Variants in EXOC6B observed in about 807,000 individuals in gnomAD.
EXOC6B encodes SEC15 homolog B.
A neutral mutation model predicts 113.5 loss-of-function variants in EXOC6B; 54 were observed. The observed-to-expected ratio is 0.48, with a 90% CI of 0.38 to 0.60. The LOEUF (loss-of-function observed/expected upper bound fraction) is 0.60. EXOC6B is among the 20% of genes least tolerant of loss of function. The pLI is 0.00. For synonymous variants in EXOC6B, 357 were observed against 339.0 expected (o/e 1.05, Z -0.58); for missense variants, 797 against 977.5 (o/e 0.82, Z 2.46).
intron 20 of EXOC6B, among the ~76,000 whole-genome samples, chr2:72,219,936 T>G (rs1416529156): frequency 6.6e-6 from 1 of 152,208 alleles, no homozygotes; most frequent in Non-Finnish European, 1.5e-5. Context: ...CGGGTCCATG[T>G]ACCATGAAGT....
At chr2:72,561,608 A>T (rs923235370) in intron 7 of EXOC6B, among the ~76,000 whole-genome samples, 1 of 152,146 alleles carries the variant, frequency 6.6e-6, no homozygotes, top group African/African-American at 2.4e-5. Context: ...ATCTAAATTA[A>T]GGGAGAATTT....
chr2:72,777,437 A>C (rs1683773101), intron 1 of EXOC6B, among the ~76,000 whole-genome samples: 1 of 152,012 alleles, frequency 6.6e-6, no homozygotes, highest in Non-Finnish European at 1.5e-5. Flanking sequence ...TGTTGAAAGG[A>C]AAAAAACATT....
intron 20 of EXOC6B, among the ~76,000 whole-genome samples, chr2:72,280,658 G>A (rs1037364461): frequency 6.6e-6 from 1 of 152,070 alleles, no homozygotes; most frequent in Non-Finnish European, 1.5e-5. Flanking sequence ...AGAAAAACCA[G>A]AGACAAACAT....
intron 16 of EXOC6B, among the ~76,000 whole-genome samples, chr2:72,481,784 T>C (rs1415523334): frequency 6.6e-6 from 1 of 152,154 alleles, no homozygotes; most frequent in Non-Finnish European, 1.5e-5. Flanking sequence ...CTATTTCCCT[T>C]TTCTTACATA....
intron 20 of EXOC6B, among the ~76,000 whole-genome samples, chr2:72,314,115 C>G (rs1434559586): frequency 6.6e-6 from 1 of 152,128 alleles, no homozygotes; most frequent in Non-Finnish European, 1.5e-5. Context: ...TATAATTACC[C>G]TAACTTAAGG....
chr2:72,617,334 A>G (rs1213121766), intron 6 of EXOC6B, among the ~76,000 whole-genome samples: 2 of 152,016 alleles, frequency 1.3e-5, no homozygotes, highest in African/African-American at 4.8e-5. Context: ...CAGCTCCACT[A>G]GGTGGTGTCC....
At chr2:72,589,221 T>C (rs547279170) in intron 6 of EXOC6B, among the ~76,000 whole-genome samples, 1 of 152,086 alleles carries the variant, frequency 6.6e-6, no homozygotes, top group South Asian at 2.1e-4. Context: ...ACAATATAAA[T>C]TCAGTGCAAA....
intron 1 of EXOC6B, among the ~76,000 whole-genome samples, chr2:72,775,929 T>C (rs369909781): frequency 2.6e-5 from 4 of 152,168 alleles, no homozygotes; most frequent in Non-Finnish European, 5.9e-5. Context: ...AACTGAATAA[T>C]GTAGGTGAAT....
chr2:72,631,459 TATAGAGAGAGAGAGAGAGAGAG>T (rs1558862546), intron 6 of EXOC6B, among the ~76,000 whole-genome samples: 51 of 6,918 alleles, frequency 7.4e-3, no homozygotes, highest in African/African-American at 0.019. Flanking sequence ...TATATATATA[TATAGAGAGAGAGAGAGAGAGAG>T]AGAGAGAGAG....
chr2:72,443,999 G>T (rs1402560092), intron 18 of EXOC6B, among the ~76,000 whole-genome samples: 1 of 152,098 alleles, frequency 6.6e-6, no homozygotes, highest in Non-Finnish European at 1.5e-5. Flanking sequence ...TAACTCAAGA[G>T]TCCACAGTCC....
intron 8 of EXOC6B, among the ~76,000 whole-genome samples, chr2:72,556,469 G>A (rs764411489): frequency 1.2e-4 from 18 of 152,224 alleles, no homozygotes; most frequent in South Asian, 2.1e-4. Flanking sequence ...AAAAGACTAC[G>A]TTGACATGGT....
chr2:72,335,047 G>C, intron 19 of EXOC6B, 27 bp from the exon 20 acceptor site: 1 of 1,610,008 alleles, frequency 6.2e-7, no homozygotes, highest in South Asian at 1.1e-5. Flanking sequence ...AGGATAAAAA[G>C]CGCCTTTAAC....
chr2:72,712,420 G>T (rs1054217589), intron 6 of EXOC6B, among the ~76,000 whole-genome samples: 1 of 152,128 alleles, frequency 6.6e-6, no homozygotes, highest in Non-Finnish European at 1.5e-5. Context: ...TGAAATCATG[G>T]TGTCAACCAT....
intron 19 of EXOC6B, among the ~76,000 whole-genome samples, chr2:72,358,065 A>G (rs1690076203): frequency 6.6e-6 from 1 of 152,186 alleles, no homozygotes; most frequent in South Asian, 2.1e-4. Flanking sequence ...TATACCGCAT[A>G]GATAAGGGGT....
chr2:72,460,765 G>T (rs1251300370), intron 18 of EXOC6B, among the ~76,000 whole-genome samples: 1 of 152,068 alleles, frequency 6.6e-6, no homozygotes, highest in East Asian at 1.9e-4. Context: ...TGGTGGGACT[G>T]TAAACTAGTT....
chr2:72,439,179 T>A (rs746264436), intron 18 of EXOC6B, among the ~76,000 whole-genome samples: 2 of 152,216 alleles, frequency 1.3e-5, no homozygotes, highest in Non-Finnish European at 2.9e-5. Context: ...GTTAGTATAT[T>A]CTATTGATAT....
intron 18 of EXOC6B, among the ~76,000 whole-genome samples, chr2:72,419,610 A>G (rs1260066470): frequency 6.6e-6 from 1 of 152,150 alleles, no homozygotes. Context: ...TTCTTTTAAC[A>G]CTTTGATATA....
chr2:72,820,423 A>T (rs12615163), intron 1 of EXOC6B, among the ~76,000 whole-genome samples: 9,830 of 152,242 alleles, frequency 0.065, 463 homozygotes, highest in Admixed American at 0.16. Flanking sequence ...ATGTTACATA[A>T]GACTGAGTAG....
chr2:72,341,346 C>A (rs772573833), intron 19 of EXOC6B, among the ~76,000 whole-genome samples: 2 of 152,104 alleles, frequency 1.3e-5, no homozygotes, highest in African/African-American at 4.8e-5. Context: ...TGACAAAGGA[C>A]TAGTATCCAG....
Sources: gnomAD v4.1 joint callset for allele counts (sites outside exome capture counted in the v4.1 genomes callset) on GRCh38, gnomAD v4.1.1 for gene constraint, MANE v1.5 for transcripts, NCBI Gene and HGNC (gene_info 2026-07-23, HGNC 2026-07-21) for gene names.